Variants in TNFRSF19 observed in about 807,000 individuals in gnomAD.
TNFRSF19 encodes the protein TNF receptor superfamily member 19, also known as tumor necrosis factor receptor superfamily member 19.
A neutral mutation model predicts 46.4 loss-of-function variants in TNFRSF19; 27 were observed. The observed-to-expected ratio is 0.58, with a 90% CI of 0.43 to 0.80. The LOEUF is 0.80. Among genes scored for constraint, TNFRSF19 ranks in the 30% least tolerant of loss-of-function variants. The probability of loss-of-function intolerance (pLI) is 0.00; values close to 1 mark genes in which losing one functional copy is unlikely to be tolerated. For synonymous variants in TNFRSF19, 204 were observed against 205.0 expected (o/e 1.00, Z 0.04); for missense variants, 511 against 530.8 (o/e 0.96, Z 0.37).
At position 23,576,462 on chromosome 13, in the gene TNFRSF19, C is replaced by T. The variant is rs953091775; in HGVS notation, c.-35+5614C>T. Among the ~76,000 whole-genome samples the T allele has an allele frequency of 7.9e-5, 12 of 152,102 alleles. No homozygotes were observed. In the East Asian group the frequency reaches 2.3e-3, roughly 29 times the overall value. ...GAACTCTTTTTATACTACTATGGTG[C>T]TCAATTGTGTGCCTGAGTTTTTGTT... On this transcript the variant is annotated intron_variant, in intron 1 of 9. Coordinates refer to ENST00000248484, the MANE Select transcript of TNFRSF19 (RefSeq NM_148957.4).
In TNFRSF19 at chr13:23,626,777, C is replaced by T; in HGVS notation, c.430C>T (p.Pro144Ser). The T allele has an allele frequency of 1.2e-6, 2 of 1,614,166 alleles. No individual in the cohort carries two copies. Among genetic ancestry groups the T allele is most frequent in the Non-Finnish European group, 1.7e-6 (2 of 1,180,012 alleles). Reference sequence around the variant, plus strand: ...TGTGCCTTGTGGAGACCCTCCTCCTCCTTACGAACCGCACTGTGAGTGAAC... The same window carrying T: ...TGTGCCTTGTGGAGACCCTCCTCCTTCTTACGAACCGCACTGTGAGTGAAC... ...ECVPCGDPPP[P>S]YEPHCASKVN... The change falls in exon 5 of 10, where the codon CCT (proline) becomes TCT (serine). Residue 144 changes from proline (P) to serine (S), a missense_variant. Around this residue, in one of 3 missense-constraint regions of TNFRSF19, gnomAD observed 376 missense variants for 372.7 expected, o/e 1.01. Transcript: ENST00000248484.
Position 23,675,465 on chromosome 13 carries a change from C to T in TNFRSF19, c.*2085C>T, listed in dbSNP as rs549368564. ...AAAATCCCAAAACATCATTTTCAAT[C>T]AGTAGAGAAGTGCTTAGGGTTGAAA... On this transcript the variant is annotated 3_prime_UTR_variant, in exon 10 of 10. Transcript: ENST00000248484. 6 of 152,312 alleles carry T rather than the reference C, an allele frequency of 3.9e-5. No individual in the cohort carries two copies. The highest frequency in any genetic ancestry group is 1.4e-4 in the African/African-American group (6 of 41,562). The allele number at this position is 152,312 out of a possible 1,614,324, so 9.4% of individuals were successfully genotyped here. A position where few individuals can be genotyped will look rare whatever the true frequency, so the allele number is the denominator to read the frequency against.
At chr13:23,651,531 C>T (rs1391478960) in intron 5 of TNFRSF19, among the ~76,000 whole-genome samples, 1 of 152,086 alleles carries the variant, frequency 6.6e-6, no homozygotes, top group Non-Finnish European at 1.5e-5. Flanking sequence ...AAGGTGGAAG[C>T]CCAGACAGAA....
intron 1 of TNFRSF19, among the ~76,000 whole-genome samples, chr13:23,571,784 C>T (rs551473950): frequency 2.6e-5 from 4 of 151,890 alleles, no homozygotes; most frequent in East Asian, 1.9e-4. Flanking sequence ...CACACACTCA[C>T]GCTCACACAC....
intron 5 of TNFRSF19, among the ~76,000 whole-genome samples, chr13:23,634,650 T>C (rs1882560914): frequency 6.6e-6 from 1 of 152,204 alleles, no homozygotes; most frequent in South Asian, 2.1e-4. Context: ...TTAAAATAAA[T>C]GTGAGCTTAT....
intron 3 of TNFRSF19, 105 bp from the exon 4 acceptor site, chr13:23,615,762 G>A (rs576707588): frequency 4.3e-5 from 53 of 1,229,704 alleles, no homozygotes; most frequent in Admixed American, 8.1e-5. Flanking sequence ...TAGGAAGGCC[G>A]ACACTTGGTA....
intron 3 of TNFRSF19, among the ~76,000 whole-genome samples, chr13:23,612,968 C>G (rs556193006): frequency 6.6e-6 from 1 of 152,218 alleles, no homozygotes; most frequent in East Asian, 1.9e-4. Flanking sequence ...ACGCAGGGCT[C>G]TTATAGCACG....
chr13:23,661,966 T>A (rs1333119906), intron 7 of TNFRSF19, among the ~76,000 whole-genome samples: 7 of 152,200 alleles, frequency 4.6e-5, no homozygotes, highest in Admixed American at 4.6e-4. Context: ...TTGCAAACAT[T>A]TTCTCCCATT....
At chr13:23,600,756 G>A (rs1487084576) in intron 3 of TNFRSF19, among the ~76,000 whole-genome samples, 1 of 152,178 alleles carries the variant, frequency 6.6e-6, no homozygotes. Flanking sequence ...CACTGGGGAA[G>A]CTTACAGTAC....
At chr13:23,593,306 A>G (rs1453462782) in intron 2 of TNFRSF19, 39 bp from the exon 3 acceptor site, 6 of 1,299,828 alleles carry the variant, frequency 4.6e-6, no homozygotes, top group Non-Finnish European at 6.4e-6. Context: ...AATGTTTAAC[A>G]TACTTTAAGA....
intron 7 of TNFRSF19, among the ~76,000 whole-genome samples, chr13:23,666,279 G>A (rs185261335): frequency 5.9e-5 from 9 of 152,302 alleles, no homozygotes; most frequent in African/African-American, 1.9e-4. Flanking sequence ...CTTTCACCCT[G>A]TAGCTTAGCG....
intron 1 of TNFRSF19, among the ~76,000 whole-genome samples, chr13:23,588,086 T>A (rs938021013): frequency 5.9e-5 from 9 of 152,240 alleles, no homozygotes; most frequent in Admixed American, 2.6e-4. Context: ...ATAGCACTTA[T>A]TATGTGCCAG....
At chr13:23,588,330 G>A (rs1878994662) in intron 1 of TNFRSF19, among the ~76,000 whole-genome samples, 3 of 152,194 alleles carry the variant, frequency 2.0e-5, no homozygotes. Context: ...TCAGCACTTT[G>A]TGTTAGCCCA....
intron 3 of TNFRSF19, among the ~76,000 whole-genome samples, chr13:23,594,038 G>A (rs992675764): frequency 6.6e-6 from 1 of 152,170 alleles, no homozygotes; most frequent in Admixed American, 6.5e-5. Context: ...AAGCCTTGAG[G>A]GACTGTGCCA....
intron 3 of TNFRSF19, among the ~76,000 whole-genome samples, chr13:23,610,435 A>T (rs1027167373): frequency 9.9e-5 from 15 of 152,198 alleles, no homozygotes; most frequent in African/African-American, 3.6e-4. Context: ...GAAGTAGCCC[A>T]GCTGAACCCA....
chr13:23,611,975 T>C (rs1298884366), intron 3 of TNFRSF19, among the ~76,000 whole-genome samples: 2 of 152,200 alleles, frequency 1.3e-5, no homozygotes, highest in Admixed American at 6.5e-5. Context: ...ATACATGCAC[T>C]CACGCTAGGA....
rs1292179908 is a variant in TNFRSF19, at chr13:23,576,091, C to T, written c.-35+5243C>T. Among the ~76,000 whole-genome samples the T allele has an allele frequency of 3.3e-5, 5 of 151,728 alleles. No individual in the cohort carries two copies. The East Asian group carries it at 9.7e-4, about 29-fold the overall frequency. ...AGTAAAATGCTCCCAGTCCTAATTA[C>T]AAGCATCCAGTTTCATTTTGCATGA... On this transcript the variant is annotated intron_variant, in intron 1 of 9. Transcript: ENST00000248484.
In TNFRSF19 at chr13:23,661,859, T is replaced by G. The variant is rs1457472360; in HGVS notation, c.736+1369T>G. Among the ~76,000 whole-genome samples, 5 of 152,358 alleles carry G rather than the reference T, an allele frequency of 3.3e-5. No individual in the cohort carries two copies. In the South Asian group the frequency reaches 8.3e-4, roughly 25 times the overall value. ...ATGTCTTCTTTTGAGAAGTGTCTGT[T>G]CATGTCCTTTGCCCAGTTTTTGATG... On this transcript the variant is annotated intron_variant, in intron 7 of 9. Transcript: ENST00000248484.
chr13:23,620,260 T>C (rs894646803), intron 4 of TNFRSF19, among the ~76,000 whole-genome samples: 1 of 152,188 alleles, frequency 6.6e-6, no homozygotes, highest in East Asian at 1.9e-4. Flanking sequence ...GCAAAATGCA[T>C]ATTGCTCCCC....
Sources: allele counts gnomAD v4.1 joint callset (sites outside exome capture counted in the v4.1 genomes callset), GRCh38; gene constraint gnomAD v4.1.1; regional missense constraint gnomAD v4.1.1; transcripts MANE v1.5; gene names NCBI Gene and HGNC (gene_info 2026-07-23, HGNC 2026-07-21).